The following PKD1L1 variants were observed in gnomAD, a reference collection of about 807,000 sequenced individuals.
PKD1L1 encodes the protein polycystin 1 like 1, transient receptor potential channel interacting.
PKD1L1 carries 236 observed loss-of-function variants against 323.4 expected under a neutral mutation model. That is an observed-to-expected ratio of 0.73 (90% CI 0.66 to 0.81). The LOEUF (loss-of-function observed/expected upper bound fraction) is 0.81. PKD1L1 is among the 40% of genes least tolerant of loss of function. The pLI, the probability that PKD1L1 is intolerant of heterozygous loss-of-function variation, is 0.00. For missense variants in PKD1L1, 3,320 were observed against 3,508.0 expected (o/e 0.95, Z 1.35); for synonymous variants, 1,344 against 1,335.0 (o/e 1.01, Z -0.15).
chr7:47,836,005 C>T (rs1785449842), intron 37 of PKD1L1, among the ~76,000 whole-genome samples: 1 of 152,176 alleles, frequency 6.6e-6, no homozygotes. Context: ...GGTTAGTGGT[C>T]CAACATCAGA....
At chr7:47,845,122 G>A (rs919798213) in intron 32 of PKD1L1, 44 bp from the exon 33 acceptor site, 11 of 1,526,974 alleles carry the variant, frequency 7.2e-6, no homozygotes, top group African/African-American at 1.4e-5. Context: ...TGTGGAGAGA[G>A]CAGCTGTTGA....
At position 47,881,937 on chromosome 7, in the gene PKD1L1, T is replaced by C. The variant is rs1181588178; in HGVS notation, c.3414A>G (p.Arg1138=). 6.2e-7 allele frequency: 1 copy of C among 1,605,460 alleles called. No homozygotes were observed. The highest frequency in any genetic ancestry group is 8.5e-7 in the Non-Finnish European group (1 of 1,177,490). The change falls in exon 20 of 57, where the codon CGA becomes CGG. Residue 1138 remains arginine, a synonymous_variant. Transcript: ENST00000289672. The part of the protein sequence containing the change: ...MIDWPKALLG[R]AVFQGYSSSG... ...AGGATGAATAGCCTTGGAAAACTGC[T>C]CGACCCAGCAGGGCCTTGGGCCAGT...
At position 47,815,448 on chromosome 7, in the gene PKD1L1, T is replaced by C; in HGVS notation, c.6975A>G (p.Arg2325=). ...AIRKEFTRNA[R]NCLGGLRNIA... ...TGTTTCTCAGGCCACCCAAGCAGTT[T>C]CTGGCATTTCTTAATGCAAGAACAA... is the stretch of plus-strand genomic sequence containing the variant. Residue 2325 remains arginine (R), a synonymous_variant, in exon 47 of 57, where the codon AGA becomes AGG. Transcript: ENST00000289672. The C allele has an allele frequency of 6.2e-7, 1 of 1,613,186 alleles. No homozygotes were observed. Among genetic ancestry groups the C allele is most frequent in the Non-Finnish European group, 8.5e-7 (1 of 1,179,718 alleles).
At chr7:47,796,999 C>T (rs1375833644) in intron 54 of PKD1L1, among the ~76,000 whole-genome samples, 4 of 129,530 alleles carry the variant, frequency 3.1e-5, no homozygotes, top group African/African-American at 1.2e-4. Flanking sequence ...GACTCCGTCT[C>T]AAAAAAAAAA....
intron 50 of PKD1L1, among the ~76,000 whole-genome samples, chr7:47,810,009 C>T (rs4724647): frequency 0.27 from 41,647 of 152,142 alleles, 5,809 homozygotes; most frequent in Admixed American, 0.31. Context: ...GTAAAGTCTT[C>T]TAAAGCTCCC....
chr7:47,843,824 G>A (rs566724787), intron 33 of PKD1L1, among the ~76,000 whole-genome samples: 2 of 152,294 alleles, frequency 1.3e-5, no homozygotes, highest in South Asian at 4.1e-4. Context: ...ATCTCAGAGG[G>A]TGGGCACCAG....
chr7:47,884,509 G>T (rs1377783332), intron 19 of PKD1L1, 89 bp downstream of exon 19: 3 of 1,197,800 alleles, frequency 2.5e-6, no homozygotes, highest in Non-Finnish European at 3.7e-6. Flanking sequence ...CAGTGGCTGT[G>T]TAAGGGAACA....
In PKD1L1 at chr7:47,833,201, C is replaced by A; in HGVS notation, c.6226G>T (p.Ala2076Ser). Residue 2076 changes from alanine to serine, a missense_variant, in exon 41 of 57, where the codon GCA becomes TCA. Transcript: ENST00000289672. ...GGACAAGCTGTGCCATTGTCACTTGCCGCCTTCCTTTGGGCCCTGCCACTC... is the reference window on the plus strand; with the variant it reads ...GGACAAGCTGTGCCATTGTCACTTGACGCCTTCCTTTGGGCCCTGCCACTC... Reference protein sequence around the residue: ...SGSGRAQRKAASDNGTACPAP... With the variant: ...SGSGRAQRKASSDNGTACPAP... 3 of 1,612,672 alleles carry A rather than the reference C, an allele frequency of 1.9e-6. No individual in the cohort carries two copies. Among genetic ancestry groups the A allele is most frequent in the Non-Finnish European group, 2.5e-6 (3 of 1,179,424 alleles).
chr7:47,848,013 C>A (rs1386387669), intron 31 of PKD1L1, among the ~76,000 whole-genome samples: 1 of 151,958 alleles, frequency 6.6e-6, no homozygotes, highest in African/African-American at 2.4e-5. Context: ...TGAAAAAATA[C>A]CCAACTTAAT....
chr7:47,947,402 T>C (rs1204677775), intron 1 of PKD1L1, among the ~76,000 whole-genome samples: 1 of 152,230 alleles, frequency 6.6e-6, no homozygotes, highest in East Asian at 1.9e-4. Context: ...GGAGGTAAAG[T>C]GACCTGCAGT....
chr7:47,802,335 G>A (rs775219389), intron 53 of PKD1L1, among the ~76,000 whole-genome samples: 1 of 152,254 alleles, frequency 6.6e-6, no homozygotes, highest in Non-Finnish European at 1.5e-5. Context: ...TGCTTTTTCT[G>A]GAGGCAGAGG....
intron 36 of PKD1L1, among the ~76,000 whole-genome samples, chr7:47,838,734 C>T (rs562672520): frequency 7.2e-5 from 11 of 151,868 alleles, no homozygotes; most frequent in Admixed American, 3.3e-4. Context: ...AAAAATTAGC[C>T]GGGCATGGTG....
chr7:47,845,627 C>T lies in PKD1L1; in HGVS notation c.5154-549G>A, dbSNP rs192021784. 2.8e-3 allele frequency among the ~76,000 whole-genome samples: 430 copies of T among 152,246 alleles called. 11 individuals are homozygous for T. Among genetic ancestry groups the T allele is most frequent in the Admixed American group, 0.025 (386 of 15,296 alleles). On this transcript the variant is annotated intron_variant, in intron 32 of 56. Transcript: ENST00000289672. ...GTTTTTGAGATGGAGTCTTGTTCTG[C>T]TGCCCAGGCTGGAATGCAGTGGCGT...
chr7:47,901,327 C>CAAAAAAAAAAAAAAAA (rs71699736), intron 13 of PKD1L1, among the ~76,000 whole-genome samples: 1 of 62,606 alleles, frequency 1.6e-5, no homozygotes, highest in African/African-American at 5.0e-5. Flanking sequence ...AACAGAGTCT[C>CAAAAAAAAAAAAAAAA]AAAAAAAAAA....
At position 47,943,026 on chromosome 7, in the gene PKD1L1, G is replaced by C. The variant is rs550698420; in HGVS notation, c.160+370C>G. On this transcript the variant is annotated intron_variant, in intron 2 of 56. Coordinates refer to ENST00000289672, the MANE Select transcript of PKD1L1 (RefSeq NM_138295.5). ...CTGGGCGTGGTGGCGGACGCCTGTA[G>C]TCCCAGCTACTCAGGAGGCTGAGGC... 3.4e-3 allele frequency among the ~76,000 whole-genome samples: 522 copies of C among 151,472 alleles called. 2 individuals are homozygous for C. The highest frequency in any genetic ancestry group is 0.012 in the African/African-American group (479 of 41,368).
At chr7:47,892,595 T>C (rs1241173560) in intron 15 of PKD1L1, among the ~76,000 whole-genome samples, 1 of 152,198 alleles carries the variant, frequency 6.6e-6, no homozygotes, top group Non-Finnish European at 1.5e-5. Flanking sequence ...AATTACCTAA[T>C]GGGTACAATG....
chr7:47,884,535 T>C (rs1188745874), intron 19 of PKD1L1, 63 bp downstream of exon 19: 3 of 1,447,116 alleles, frequency 2.1e-6, no homozygotes, highest in Admixed American at 1.7e-5. Flanking sequence ...GAAATCCAGA[T>C]TGCAGAAAGG....
chr7:47,916,121 C>T (rs1653711024), intron 7 of PKD1L1, among the ~76,000 whole-genome samples: 1 of 152,214 alleles, frequency 6.6e-6, no homozygotes, highest in Non-Finnish European at 1.5e-5. Flanking sequence ...ACCAAAACTA[C>T]TGCACAAAAA....
chr7:47,958,996 ATT>A, the PKD1L1 span, among the ~76,000 whole-genome samples: 2 of 152,070 alleles, frequency 1.3e-5, no homozygotes, highest in Non-Finnish European at 2.9e-5. Context: ...TGGTTTTCGT[ATT>A]TTTTTGGTGG....
Sources: allele counts gnomAD v4.1 joint callset (sites outside exome capture counted in the v4.1 genomes callset), GRCh38; gene constraint gnomAD v4.1.1; transcripts MANE v1.5; gene names NCBI Gene and HGNC (gene_info 2026-07-23, HGNC 2026-07-21).